CCDC85C: variants seen among roughly 807,000 people sequenced by gnomAD.
CCDC85C encodes the protein coiled-coil domain containing 85C, also known as coiled-coil domain-containing protein 85C.
Under a neutral mutation model 38.3 loss-of-function variants are expected in CCDC85C, and 18 were observed. That is an observed-to-expected ratio of 0.47 (90% confidence interval 0.33 to 0.70). The LOEUF is 0.70. Ranked by LOEUF, CCDC85C falls within the 30% of genes least tolerant of loss-of-function variation. CCDC85C has a pLI of 0.03. For missense variants in CCDC85C, 566 were observed against 621.2 expected (o/e 0.91, Z 0.94); for synonymous variants, 264 against 293.8 (o/e 0.90, Z 1.04).
rs770122012 is a variant in CCDC85C at position 99,502,210 on chromosome 14, C to T, written c.*13036G>A. ...TTTTTTTTTCTTGTTGAACTAGTCTCTGCACCACCTTGTCACTGCAGTGGG... is the reference window on the plus strand; with the variant it reads ...TTTTTTTTTCTTGTTGAACTAGTCTTTGCACCACCTTGTCACTGCAGTGGG... On this transcript the variant is annotated 3_prime_UTR_variant, in exon 6 of 6. Coordinates refer to ENST00000380243, the MANE Select transcript of CCDC85C (RefSeq NM_001144995.2). The T allele has an allele frequency of 6.3e-7, 1 of 1,586,472 alleles. No individual in the cohort carries two copies. The highest frequency in any genetic ancestry group is 8.6e-7 in the Non-Finnish European group (1 of 1,165,476).
intron 1 of CCDC85C, among the ~76,000 whole-genome samples, chr14:99,549,663 G>A (rs985134273): frequency 3.9e-5 from 6 of 152,234 alleles, no homozygotes; most frequent in African/African-American, 7.2e-5. Context: ...AGGCAGAGCG[G>A]AGTGGACCTG....
In CCDC85C at chr14:99,500,599, AGT is replaced by A; in HGVS notation, c.*14645_*14646del. 3 of 583,732 alleles carry A rather than the reference AGT, an allele frequency of 5.1e-6. No homozygotes were observed. Among genetic ancestry groups the A allele is most frequent in the Non-Finnish European group, 9.1e-6 (3 of 328,892 alleles). 36.2% of individuals were successfully genotyped at this position (583,732 alleles called of 1,614,324 possible). Reference sequence around the variant, plus strand: ...GTTTGAGATCTTTTCAGAATTTATCAGTGTCTCTGAGCATGTTAAAAGTCTGA... The same window carrying A: ...GTTTGAGATCTTTTCAGAATTTATCAGTCTCTGAGCATGTTAAAAGTCTGA... On this transcript the variant is annotated 3_prime_UTR_variant, in exon 6 of 6. Transcript: ENST00000380243.
intron 1 of CCDC85C, among the ~76,000 whole-genome samples, chr14:99,537,800 A>T (rs1180103817): frequency 1.3e-5 from 2 of 152,056 alleles, no homozygotes; most frequent in African/African-American, 4.8e-5. Context: ...CCCGACAAAC[A>T]GTTCCCATGC....
At position 99,502,201 on chromosome 14, in the gene CCDC85C, A is replaced by C; in HGVS notation, c.*13045T>G. 2 of 1,572,082 alleles carry C rather than the reference A, an allele frequency of 1.3e-6. No individual in the cohort carries two copies. Among genetic ancestry groups the C allele is most frequent in the South Asian group, 1.2e-5 (1 of 85,032 alleles). On this transcript the variant is annotated 3_prime_UTR_variant, in exon 6 of 6. Coordinates refer to ENST00000380243, the MANE Select transcript of CCDC85C (RefSeq NM_001144995.2). ...TATCTAACCTTTTTTTTTCTTGTTGAACTAGTCTCTGCACCACCTTGTCAC... is the reference window on the plus strand; with the variant it reads ...TATCTAACCTTTTTTTTTCTTGTTGCACTAGTCTCTGCACCACCTTGTCAC...
rs572991750 is a variant in CCDC85C, at chr14:99,601,318, C to G, written c.793+1849G>C. Among the ~76,000 whole-genome samples the G allele has an allele frequency of 4.6e-5, 7 of 152,312 alleles. No homozygotes were observed. The South Asian group carries it at 1.5e-3, about 32-fold the overall frequency. On this transcript the variant is annotated intron_variant, in intron 1 of 5. Transcript: ENST00000380243. ...GGAAACCCTATACTTCAACCTCCCA[C>G]TGACCCCCAGTGGGGTGGAAAACTC...
intron 2 of CCDC85C, among the ~76,000 whole-genome samples, chr14:99,528,759 A>C (rs1269988139): frequency 1.3e-5 from 2 of 151,872 alleles, no homozygotes; most frequent in Non-Finnish European, 2.9e-5. Flanking sequence ...AGTCATACCA[A>C]CTGGATTTAC....
rs979906880 is a variant in CCDC85C, at chr14:99,573,005, C to A, written c.793+30162G>T. On this transcript the variant is annotated intron_variant, in intron 1 of 5. Transcript: ENST00000380243. ...TCAGAGCAGAAGGCACCCTGGTGAC[C>A]GCAGGAGACGCCACACATAAAGGCA... The A allele has an allele frequency of 2.8e-5, 10 of 363,276 alleles. No homozygotes were observed. The Admixed American group carries it at 3.6e-4, about 13-fold the overall frequency. The allele number at this position is 363,276 out of a possible 1,614,324, so 22.5% of individuals were successfully genotyped here.
chr14:99,521,504 C>T (rs1444959328), intron 3 of CCDC85C, among the ~76,000 whole-genome samples: 1 of 152,158 alleles, frequency 6.6e-6, no homozygotes, highest in Non-Finnish European at 1.5e-5. Context: ...CTGCAGGTGC[C>T]GCAACGAGAA....
At chr14:99,539,469 CAAAAAAAA>C (rs5810957) in intron 1 of CCDC85C, among the ~76,000 whole-genome samples, 1 of 108,488 alleles carries the variant, frequency 9.2e-6, no homozygotes, top group African/African-American at 3.6e-5. Flanking sequence ...GACTCCATCT[CAAAAAAAA>C]AAAAAAAAAA....
intron 2 of CCDC85C, among the ~76,000 whole-genome samples, chr14:99,523,284 T>A (rs937466787): frequency 6.6e-6 from 1 of 152,156 alleles, no homozygotes; most frequent in Admixed American, 6.5e-5. Context: ...CCCCTCGGCC[T>A]GGCTGTGAAA....
At position 99,502,648 on chromosome 14, in the gene CCDC85C, A is replaced by AT. The variant is rs1896863256; in HGVS notation, c.*12597dup. 2.1e-6 allele frequency: 3 copies of AT among 1,454,434 alleles called. No individual in the cohort carries two copies. Among genetic ancestry groups the AT allele is most frequent in the Non-Finnish European group, 2.9e-6 (3 of 1,049,250 alleles). The allele number at this position is 1,454,434 out of a possible 1,614,324, so 90.1% of individuals were successfully genotyped here. A position where few individuals can be genotyped will look rare whatever the true frequency, so the allele number is the denominator to read the frequency against. ...GGTCCTCGTAGGGGTATCATAACTGATTCTTTATCCAGGTAAAATTTTATT... is the reference window on the plus strand; with the variant it reads ...GGTCCTCGTAGGGGTATCATAACTGATTTCTTTATCCAGGTAAAATTTTATT... On this transcript the variant is annotated 3_prime_UTR_variant, in exon 6 of 6. Transcript: ENST00000380243.
intron 1 of CCDC85C, among the ~76,000 whole-genome samples, chr14:99,538,703 C>A (rs937988499): frequency 3.3e-5 from 5 of 152,236 alleles, no homozygotes; most frequent in African/African-American, 1.2e-4. Context: ...CCACAGCTGC[C>A]CCGTCAGCCT....
rs1409183720 is a variant in CCDC85C at position 99,533,496 on chromosome 14, TTGTA to T, written c.867+2515_867+2518del. Among the ~76,000 whole-genome samples, 1 of 152,210 alleles carries T rather than the reference TTGTA, an allele frequency of 6.6e-6. No individual in the cohort carries two copies. Among genetic ancestry groups the T allele is most frequent in the African/African-American group, 2.4e-5 (1 of 41,458 alleles). ...ATGATCTCTGAATTCCGCGCCCTGGTTGTATGTAACAACAAGCAGGCAACAGTGG... is the reference window on the plus strand; with the variant it reads ...ATGATCTCTGAATTCCGCGCCCTGGTTGTAACAACAAGCAGGCAACAGTGG... On this transcript the variant is annotated intron_variant, in intron 2 of 5. Transcript: ENST00000380243. This position sits in a 1 kb window ranked among gnomAD's most constrained non-coding sequence, Gnocchi z 4.2.
intron 2 of CCDC85C, among the ~76,000 whole-genome samples, chr14:99,529,514 T>C (rs1374477286): frequency 6.6e-6 from 1 of 152,216 alleles, no homozygotes; most frequent in East Asian, 1.9e-4. Context: ...GCAATTCTCC[T>C]GCCTCAGCCT....
intron 1 of CCDC85C, chr14:99,579,934 T>C (rs938909037): frequency 2.5e-5 from 10 of 401,052 alleles, no homozygotes; most frequent in Admixed American, 1.1e-4. Flanking sequence ...TCTGGCTCAG[T>C]CCAAGACTTT....
chr14:99,551,622 G>A (rs1897910998), intron 1 of CCDC85C, among the ~76,000 whole-genome samples: 1 of 148,482 alleles, frequency 6.7e-6, no homozygotes, highest in Non-Finnish European at 1.5e-5. Context: ...GTGAGCAGTT[G>A]AGTGTGCAGG....
At position 99,535,018 on chromosome 14, in the gene CCDC85C, G is replaced by A. The variant is rs1184484093; in HGVS notation, c.867+997C>T. On this transcript the variant is annotated intron_variant, in intron 2 of 5. Transcript: ENST00000380243. The surrounding 1 kb of genome is among the most constrained non-coding windows in gnomAD (Gnocchi z 5.5). The stretch of plus-strand genomic sequence containing the variant: ...GGGAACCTTCCCCACAGCCCACAAA[G>A]GGGTGAGACGTGAGGATGACCTCAG... 8.3e-6 allele frequency: 3 copies of A among 363,034 alleles called. No homozygotes were observed. The highest frequency in any genetic ancestry group is 8.6e-5 in the Admixed American group (2 of 23,342). The allele number at this position is 363,034 out of a possible 1,614,324, so 22.5% of individuals were successfully genotyped here.
chr14:99,500,840 G>A lies in CCDC85C; in HGVS notation c.*14406C>T. On this transcript the variant is annotated 3_prime_UTR_variant, in exon 6 of 6. Coordinates refer to ENST00000380243, the MANE Select transcript of CCDC85C (RefSeq NM_001144995.2). ...ATTTACAGGTAGAACATCCATACCA[G>A]TTCCTACTAAAATATGCAAAGCAAC... is the stretch of plus-strand genomic sequence containing the variant. 6.4e-7 allele frequency: 1 copy of A among 1,558,504 alleles called. No individual in the cohort carries two copies. The highest frequency in any genetic ancestry group is 8.7e-7 in the Non-Finnish European group (1 of 1,150,146).
rs190070618 is a variant in CCDC85C, at chr14:99,553,522, G to A, written c.794-17434C>T. ...TGGGACTACAGGCACGTGCCACCAC[G>A]CCCGGCTAATTTTTGTGTTTTTAGT... On this transcript the variant is annotated intron_variant, in intron 1 of 5. Transcript: ENST00000380243. Among the ~76,000 whole-genome samples, 496 of 152,214 alleles carry A rather than the reference G, an allele frequency of 3.3e-3. 2 individuals carry two copies. The highest frequency in any genetic ancestry group is 0.011 in the African/African-American group (475 of 41,528).
Sources: allele counts gnomAD v4.1 joint callset (sites outside exome capture counted in the v4.1 genomes callset), GRCh38; gene constraint gnomAD v4.1.1; non-coding constraint Gnocchi (gnomAD v3.1); transcripts MANE v1.5; gene names NCBI Gene and HGNC (gene_info 2026-07-23, HGNC 2026-07-21).